SLC35D2: variants seen among roughly 807,000 people sequenced by gnomAD.
SLC35D2 encodes the protein nucleotide sugar transporter SLC35D2.
A neutral mutation model predicts 41.8 loss-of-function variants in SLC35D2; 43 were observed. That is an observed-to-expected ratio of 1.03 (90% CI 0.81 to 1.33). The LOEUF is 1.33. Among genes scored for constraint, SLC35D2 ranks in the 40% most tolerant of loss-of-function variants. SLC35D2 has a pLI of 0.00. For missense variants in SLC35D2, 380 were observed against 408.4 expected, an observed-to-expected ratio of 0.93 and a Z score of 0.60; for synonymous variants, 150 against 163.9, an observed-to-expected ratio of 0.92 and a Z score of 0.65.
chr9:96,380,399 G>A (rs1180110972), intron 1 of SLC35D2, among the ~76,000 whole-genome samples: 1 of 151,876 alleles, frequency 6.6e-6, no homozygotes. Context: ...AACCATCATT[G>A]ACATAATGAC....
At chr9:96,378,767 T>C (rs987943986) in intron 1 of SLC35D2, among the ~76,000 whole-genome samples, 2 of 151,262 alleles carry the variant, frequency 1.3e-5, no homozygotes, top group Admixed American at 1.3e-4. Context: ...AAAAAAAAAA[T>C]TTAATTCAAA....
At chr9:96,347,175 C>T (rs1437419040) in intron 6 of SLC35D2, among the ~76,000 whole-genome samples, 1 of 152,160 alleles carries the variant, frequency 6.6e-6, no homozygotes, top group Non-Finnish European at 1.5e-5. Flanking sequence ...TTCTTACCTA[C>T]CCACATGTGA....
intron 6 of SLC35D2, among the ~76,000 whole-genome samples, chr9:96,345,869 G>C (rs529536755): frequency 1.3e-5 from 2 of 152,296 alleles, no homozygotes; most frequent in African/African-American, 4.8e-5. Flanking sequence ...ACCGCACCCC[G>C]TCCATCAAAA....
intron 4 of SLC35D2, among the ~76,000 whole-genome samples, chr9:96,357,828 C>T (rs377632002): frequency 6.6e-6 from 1 of 151,774 alleles, no homozygotes; most frequent in African/African-American, 2.4e-5. Flanking sequence ...TGCTTGAGCT[C>T]AGGAGTTCAA....
In SLC35D2 at chr9:96,327,868, C is replaced by T. The variant is rs369433994; in HGVS notation, c.753-3699G>A. On this transcript the variant is annotated intron_variant, in intron 9 of 11. Transcript: ENST00000253270. Reference sequence around the variant, plus strand: ...AACTCTGGGGCTCAAGCAATCCTCCCTCTCTGGCCTCCCAAAGTGCTGGGA... The same window carrying T: ...AACTCTGGGGCTCAAGCAATCCTCCTTCTCTGGCCTCCCAAAGTGCTGGGA... 1.6e-4 allele frequency among the ~76,000 whole-genome samples: 24 copies of T among 148,832 alleles called. No homozygotes were observed. In the South Asian group the frequency reaches 5.1e-3, roughly 31 times the overall value.
intron 9 of SLC35D2, among the ~76,000 whole-genome samples, chr9:96,332,910 T>A (rs2130867352): frequency 6.6e-6 from 1 of 151,880 alleles, no homozygotes; most frequent in South Asian, 2.1e-4. Flanking sequence ...GAATTTTTTT[T>A]TTTTTTTGAG....
At chr9:96,340,844 G>C (rs1190059544) in intron 8 of SLC35D2, among the ~76,000 whole-genome samples, 2 of 152,020 alleles carry the variant, frequency 1.3e-5, no homozygotes, top group Non-Finnish European at 2.9e-5. Context: ...GCGGCTCGAA[G>C]GTACTTACAG....
intron 6 of SLC35D2, among the ~76,000 whole-genome samples, chr9:96,346,011 G>C (rs764795005): frequency 2.0e-5 from 3 of 152,158 alleles, no homozygotes; most frequent in Non-Finnish European, 4.4e-5. Context: ...TCTATGACAG[G>C]AACAAGAGGA....
chr9:96,342,295 C>CT (rs1410039118), intron 8 of SLC35D2, among the ~76,000 whole-genome samples: 11 of 151,852 alleles, frequency 7.2e-5, no homozygotes, highest in Non-Finnish European at 1.2e-4. Flanking sequence ...ATTTTTACTA[C>CT]TACTAAAAAT....
Position 96,322,035 on chromosome 9 carries a change from T to C in SLC35D2, c.877A>G (p.Ile293Val), listed in dbSNP as rs1828257917. Residue 293 changes from isoleucine (I) to valine (V), a missense_variant, in exon 11 of 12, where the codon ATT becomes GTT. By Grantham distance (29) the Ile-to-Val change is conservative. Coordinates refer to ENST00000253270, the MANE Select transcript of SLC35D2 (RefSeq NM_007001.3). The stretch of plus-strand genomic sequence containing the variant: ...CCTACAAAGTTTAACAAAGAGAAAA[T>C]GTAGTCTCCACCGATTAATATCCCA... ...YIGILIGGDYIFSLLNFVGLN... is the reference protein window; with the variant it reads ...YIGILIGGDYVFSLLNFVGLN... 4.4e-6 allele frequency: 7 copies of C among 1,607,422 alleles called. No individual in the cohort carries two copies. The highest frequency in any genetic ancestry group is 3.3e-5 in the Admixed American group (2 of 59,772).
intron 4 of SLC35D2, 144 bp from the exon 5 acceptor site, chr9:96,352,253 A>G: frequency 2.0e-6 from 1 of 488,322 alleles, no homozygotes; most frequent in Non-Finnish European, 3.7e-6. Context: ...ATTAAATAAT[A>G]AAAATAAATG....
At chr9:96,381,966 C>T (rs769853001) in intron 1 of SLC35D2, among the ~76,000 whole-genome samples, 4 of 152,156 alleles carry the variant, frequency 2.6e-5, no homozygotes, top group Non-Finnish European at 5.9e-5. Context: ...GGCACTCTCA[C>T]ATCAGATCTG....
downstream of SLC35D2, among the ~76,000 whole-genome samples, chr9:96,320,126 G>A (rs975789631): frequency 5.9e-5 from 9 of 152,288 alleles, no homozygotes; most frequent in African/African-American, 1.9e-4. Context: ...AGGGGTTGGC[G>A]GTAGGTGAGC....
At chr9:96,322,123 G>T in intron 10 of SLC35D2, 43 bp from the exon 11 acceptor site, 1 of 1,234,222 alleles carries the variant, frequency 8.1e-7, no homozygotes, top group Non-Finnish European at 1.2e-6. Flanking sequence ...AAAGTAAACT[G>T]TTTAGGGGAA....
At chr9:96,382,486 C>CT (rs1466582236) in intron 1 of SLC35D2, among the ~76,000 whole-genome samples, 2 of 144,816 alleles carry the variant, frequency 1.4e-5, no homozygotes, top group East Asian at 2.0e-4. Flanking sequence ...CACACACACA[C>CT]ACACACACAC....
intron 7 of SLC35D2, among the ~76,000 whole-genome samples, chr9:96,344,317 C>T (rs901486211): frequency 6.6e-6 from 1 of 151,216 alleles, no homozygotes; most frequent in South Asian, 2.1e-4. Context: ...AAATCTGGAA[C>T]AAAATAAAGA....
intron 1 of SLC35D2, among the ~76,000 whole-genome samples, chr9:96,380,818 G>C (rs1015622480): frequency 4.0e-5 from 6 of 151,502 alleles, no homozygotes; most frequent in African/African-American, 1.5e-4. Flanking sequence ...TCCTTCATTA[G>C]CTTCCATGTC....
intron 4 of SLC35D2, among the ~76,000 whole-genome samples, chr9:96,353,405 G>A (rs1829892866): frequency 6.6e-6 from 1 of 151,826 alleles, no homozygotes; most frequent in Admixed American, 6.6e-5. Context: ...CCAGGCTGGA[G>A]TGCAGTGGCG....
At chr9:96,313,978 A>G (rs1427027755) in exon 12 of SLC35D2, 1 of 152,580 alleles carries the variant, frequency 6.6e-6, no homozygotes, top group African/African-American at 2.4e-5. Context: ...GGAATTGAGC[A>G]TCTCTGGCTG....
Sources: allele counts gnomAD v4.1 joint callset (sites outside exome capture counted in the v4.1 genomes callset), GRCh38; gene constraint gnomAD v4.1.1; transcripts MANE v1.5; gene names NCBI Gene and HGNC (gene_info 2026-07-23, HGNC 2026-07-21).